ADARB2: variants seen among roughly 807,000 people sequenced by gnomAD.
The protein encoded by ADARB2 is inactive double-stranded RNA-specific editase B2.
In ADARB2, 25 loss-of-function variants were observed where a neutral mutation model predicts 62.2. That is an observed-to-expected ratio of 0.40 (90% CI 0.29 to 0.56). The LOEUF (loss-of-function observed/expected upper bound fraction) is 0.56. Ranked by LOEUF, ADARB2 falls within the 20% of genes least tolerant of loss-of-function variation. ADARB2 has a pLI of 0.43. For missense variants in ADARB2, 1,071 were observed against 1,077.4 expected (o/e 0.99, Z 0.08); for synonymous variants, 572 against 500.8 (o/e 1.14, Z -1.90).
At chr10:1,262,196 G>T (rs1369967490) in intron 4 of ADARB2, among the ~76,000 whole-genome samples, 1 of 145,982 alleles carries the variant, frequency 6.9e-6, no homozygotes. Context: ...AATGCTAGAT[G>T]ACGAGTTAGT....
intron 1 of ADARB2, among the ~76,000 whole-genome samples, chr10:1,474,390 GCAGGGGCAGCCCGGTCTACAT>G (rs1831370893): frequency 6.6e-6 from 1 of 152,316 alleles, no homozygotes; most frequent in East Asian, 1.9e-4. Context: ...GGAGCTCAGA[GCAGGGGCAGCCCGGTCTACAT>G]TGGGGGTCAG....
chr10:1,496,348 C>T (rs1291046900), intron 1 of ADARB2, among the ~76,000 whole-genome samples: 6 of 151,592 alleles, frequency 4.0e-5, no homozygotes, highest in African/African-American at 1.5e-4. Flanking sequence ...CCTCCATTAT[C>T]ATCATTGTCA....
chr10:1,680,835 A>G (rs1834526849), intron 1 of ADARB2, among the ~76,000 whole-genome samples: 1 of 152,232 alleles, frequency 6.6e-6, no homozygotes, highest in Non-Finnish European at 1.5e-5. Flanking sequence ...TTCAGGACAC[A>G]CACATACACT....
chr10:1,508,902 C>A (rs577362674), intron 1 of ADARB2, among the ~76,000 whole-genome samples: 2 of 152,320 alleles, frequency 1.3e-5, no homozygotes, highest in African/African-American at 4.8e-5. Context: ...TGAACCCAGG[C>A]TCTGCGGAGG....
chr10:1,673,017 G>A (rs1188795881), intron 1 of ADARB2, among the ~76,000 whole-genome samples: 2 of 152,156 alleles, frequency 1.3e-5, no homozygotes, highest in South Asian at 2.1e-4. Flanking sequence ...GGGGACCAGG[G>A]GGATGAACTG....
intron 1 of ADARB2, among the ~76,000 whole-genome samples, chr10:1,521,767 AC>A (rs1168673065): frequency 2.1e-5 from 3 of 141,038 alleles, no homozygotes; most frequent in Non-Finnish European, 3.1e-5. Flanking sequence ...TGGAAGGGGC[AC>A]CCCCCCATCC....
At chr10:1,563,154 C>A (rs1228978605) in intron 1 of ADARB2, among the ~76,000 whole-genome samples, 1 of 151,638 alleles carries the variant, frequency 6.6e-6, no homozygotes, top group Non-Finnish European at 1.5e-5. Flanking sequence ...CCACATGTGA[C>A]CTCCCGCACC....
chr10:1,573,618 C>T (rs1352640794), intron 1 of ADARB2, among the ~76,000 whole-genome samples: 1 of 152,200 alleles, frequency 6.6e-6, no homozygotes, highest in Non-Finnish European at 1.5e-5. Context: ...GGCCCAGGCG[C>T]ACTCTGCACC....
chr10:1,649,638 A>G (rs1188803430), intron 1 of ADARB2, among the ~76,000 whole-genome samples: 1 of 152,220 alleles, frequency 6.6e-6, no homozygotes, highest in Non-Finnish European at 1.5e-5. Flanking sequence ...CCTGGGCCAG[A>G]TTACCAGATG....
intron 1 of ADARB2, among the ~76,000 whole-genome samples, chr10:1,688,978 C>G (rs1294406872): frequency 1.3e-5 from 2 of 152,174 alleles, no homozygotes; most frequent in Non-Finnish European, 2.9e-5. Context: ...TTCCTCAGTA[C>G]ATTTTGCAGG....
At chr10:1,365,058 G>T (rs1457828937) in intron 2 of ADARB2, among the ~76,000 whole-genome samples, 1 of 151,864 alleles carries the variant, frequency 6.6e-6, no homozygotes, top group Non-Finnish European at 1.5e-5. Context: ...TTTTTTTAGA[G>T]ATGGGATTTC....
chr10:1,394,158 C>G (rs570880939), intron 1 of ADARB2, among the ~76,000 whole-genome samples: 24 of 152,374 alleles, frequency 1.6e-4, no homozygotes, highest in Non-Finnish European at 2.2e-4. Flanking sequence ...GGCAACCACA[C>G]TCTAATCCCC....
intron 8 of ADARB2, among the ~76,000 whole-genome samples, chr10:1,193,561 T>C (rs182486413): frequency 6.6e-6 from 1 of 152,336 alleles, no homozygotes; most frequent in African/African-American, 2.4e-5. Context: ...TGGTTTTCAT[T>C]GCTCTTCAGT....
At chr10:1,313,017 C>T (rs1424861523) in intron 3 of ADARB2, among the ~76,000 whole-genome samples, 1 of 152,194 alleles carries the variant, frequency 6.6e-6, no homozygotes. Context: ...GACCAGAGGC[C>T]AGAACGTCAT....
chr10:1,458,864 C>T (rs376871640), intron 1 of ADARB2, among the ~76,000 whole-genome samples: 40,335 of 152,106 alleles, frequency 0.27, 5,616 homozygotes, highest in East Asian at 0.49. Flanking sequence ...ACGGAACAAA[C>T]ACTCAAAGAA....
At chr10:1,324,980 T>G (rs577579425) in intron 3 of ADARB2, among the ~76,000 whole-genome samples, 1 of 152,200 alleles carries the variant, frequency 6.6e-6, no homozygotes, top group Non-Finnish European at 1.5e-5. Flanking sequence ...TGGGCACAGG[T>G]ACATGGGCTC....
chr10:1,476,153 AAG>A (rs1355736122), intron 1 of ADARB2, among the ~76,000 whole-genome samples: 1 of 152,084 alleles, frequency 6.6e-6, no homozygotes, highest in Admixed American at 6.5e-5. Flanking sequence ...AGAAAAAAGG[AAG>A]AGAGAGAGAC....
intron 4 of ADARB2, among the ~76,000 whole-genome samples, chr10:1,260,018 T>G (rs950349340): frequency 3.3e-5 from 5 of 152,122 alleles, no homozygotes; most frequent in African/African-American, 1.2e-4. Context: ...ATAAATGTAA[T>G]CCAGCATATA....
intron 7 of ADARB2, among the ~76,000 whole-genome samples, chr10:1,211,636 G>C (rs12242061): frequency 0.036 from 5,535 of 152,260 alleles, 368 homozygotes; most frequent in African/African-American, 0.13. Context: ...TCGAAAGAAA[G>C]AAACAATCAC....
Sources: gnomAD v4.1 joint callset for allele counts (sites outside exome capture counted in the v4.1 genomes callset) on GRCh38, gnomAD v4.1.1 for gene constraint, MANE v1.5 for transcripts, NCBI Gene and HGNC (gene_info 2026-07-23, HGNC 2026-07-21) for gene names.